SLC4A4: variants seen among roughly 807,000 people sequenced by gnomAD.
The protein encoded by SLC4A4 is solute carrier family 4 member 4, also known as electrogenic sodium bicarbonate cotransporter 1.
In SLC4A4, 27 loss-of-function variants were observed where a neutral mutation model predicts 111.5. That is an observed-to-expected ratio of 0.24 (90% CI 0.18 to 0.33). The LOEUF is 0.33. SLC4A4 is among the 10% of genes least tolerant of loss of function. The probability of loss-of-function intolerance (pLI) is 1.00; values close to 1 mark genes in which losing one functional copy is unlikely to be tolerated. For missense variants in SLC4A4, 909 were observed against 1,315.5 expected (o/e 0.69, Z 4.78); for synonymous variants, 443 against 463.4 (o/e 0.96, Z 0.57).
intron 3 of SLC4A4, among the ~76,000 whole-genome samples, chr4:71,264,590 A>G (rs1722100250): frequency 6.6e-6 from 1 of 152,120 alleles, no homozygotes; most frequent in African/African-American, 2.4e-5. Flanking sequence ...TTACCAAGGT[A>G]TGGAAATAGC....
intron 22 of SLC4A4, among the ~76,000 whole-genome samples, chr4:71,558,238 C>T (rs1414642781): frequency 1.3e-5 from 2 of 151,892 alleles, no homozygotes; most frequent in Non-Finnish European, 2.9e-5. Context: ...GACACCAGTG[C>T]ATGTTAATTA....
In SLC4A4 at chr4:71,501,943, G is replaced by A. The variant is rs28872314; in HGVS notation, c.2166+4251G>A. Among the ~76,000 whole-genome samples the A allele has an allele frequency of 6.8e-3, 1,035 of 151,818 alleles. 13 individuals are homozygous for A. Among genetic ancestry groups the A allele is most frequent in the African/African-American group, 0.023 (968 of 41,374 alleles). On this transcript the variant is annotated intron_variant, in intron 16 of 25. Transcript: ENST00000264485. ...CTCTCAAAGTGCTGGGATTACAGGC[G>A]TGAACCACCATGCCTGGCCTATTTT...
intron 22 of SLC4A4, among the ~76,000 whole-genome samples, chr4:71,559,256 G>A (rs1444058816): frequency 6.6e-6 from 1 of 151,820 alleles, no homozygotes; most frequent in Non-Finnish European, 1.5e-5. Flanking sequence ...TTTTAATATA[G>A]AATAAAGATA....
chr4:71,517,253 C>CTT (rs1424991600), intron 16 of SLC4A4, among the ~76,000 whole-genome samples: 4 of 152,006 alleles, frequency 2.6e-5, no homozygotes, highest in African/African-American at 9.7e-5. Context: ...GATCCTGTCA[C>CTT]ATAAATCTTA....
chr4:71,519,340 C>A (rs1200597593), intron 16 of SLC4A4, among the ~76,000 whole-genome samples: 1 of 152,168 alleles, frequency 6.6e-6, no homozygotes, highest in East Asian at 1.9e-4. Context: ...AGAGCCTAAG[C>A]AGGTAATTTC....
chr4:71,469,238 A>G (rs1242513216), intron 13 of SLC4A4, among the ~76,000 whole-genome samples: 1 of 151,984 alleles, frequency 6.6e-6, no homozygotes, highest in Non-Finnish European at 1.5e-5. Context: ...GGTATATAAA[A>G]ACTTCACAAT....
At chr4:71,124,222 G>C (rs1052714170) in intron 2 of SLC4A4, among the ~76,000 whole-genome samples, 2 of 145,450 alleles carry the variant, frequency 1.4e-5, no homozygotes, top group African/African-American at 5.1e-5. Flanking sequence ...CGCCAGGCTA[G>C]AGTGCAGTGG....
intron 16 of SLC4A4, among the ~76,000 whole-genome samples, chr4:71,507,893 C>T (rs932721296): frequency 9.2e-5 from 14 of 152,146 alleles, no homozygotes; most frequent in African/African-American, 2.9e-4. Context: ...AACAGTCCCT[C>T]GGACCACAGT....
chr4:71,174,456 C>G (rs1745028823), intron 2 of SLC4A4, among the ~76,000 whole-genome samples: 1 of 152,060 alleles, frequency 6.6e-6, no homozygotes, highest in Non-Finnish European at 1.5e-5. Context: ...GGATGTTGGC[C>G]AGGCTGGTCT....
At chr4:71,128,595 C>T (rs997150138) in intron 2 of SLC4A4, among the ~76,000 whole-genome samples, 4 of 152,062 alleles carry the variant, frequency 2.6e-5, no homozygotes, top group Non-Finnish European at 5.9e-5. Flanking sequence ...TTCAAATGAT[C>T]CTCCCACCTC....
intron 1 of SLC4A4, among the ~76,000 whole-genome samples, chr4:71,210,314 CATTA>C (rs573742138): frequency 4.6e-5 from 7 of 152,178 alleles, no homozygotes; most frequent in Non-Finnish European, 1.0e-4. Context: ...GTTTAATAGC[CATTA>C]TCTAATTTAA....
At chr4:71,152,630 T>C (rs1191415306) in intron 2 of SLC4A4, among the ~76,000 whole-genome samples, 3 of 152,198 alleles carry the variant, frequency 2.0e-5, no homozygotes, top group Non-Finnish European at 4.4e-5. Flanking sequence ...TGAGGTACTA[T>C]GGACACACTA....
chr4:71,301,217 G>A, intron 3 of SLC4A4: 1 of 244,094 alleles, frequency 4.1e-6, no homozygotes, highest in Admixed American at 5.0e-5. Context: ...GGTGGCTGGT[G>A]TAGTTAGCAA....
chr4:71,353,259 T>C (rs1447906347), intron 5 of SLC4A4, among the ~76,000 whole-genome samples: 1 of 152,248 alleles, frequency 6.6e-6, no homozygotes, highest in Non-Finnish European at 1.5e-5. Context: ...TTGACACTAC[T>C]ATGTCACTTT....
intron 19 of SLC4A4, among the ~76,000 whole-genome samples, chr4:71,547,444 A>G (rs545294644): frequency 6.6e-6 from 1 of 152,176 alleles, no homozygotes; most frequent in Admixed American, 6.5e-5. Context: ...TTCAAATCAC[A>G]TATTGCAGTC....
At chr4:71,146,327 T>C (rs6811627) in intron 2 of SLC4A4, among the ~76,000 whole-genome samples, 19,215 of 152,064 alleles carry the variant, frequency 0.13, 1,336 homozygotes, top group East Asian at 0.28. Flanking sequence ...TTGTTATAAT[T>C]TCTGTTCTTT....
intron 4 of SLC4A4, among the ~76,000 whole-genome samples, chr4:71,341,582 A>C (rs971324896): frequency 6.6e-6 from 1 of 152,172 alleles, no homozygotes; most frequent in African/African-American, 2.4e-5. Flanking sequence ...TCTGAGGCAT[A>C]CTTTAAAATT....
chr4:71,265,473 G>A (rs151293928), intron 3 of SLC4A4, among the ~76,000 whole-genome samples: 180 of 152,248 alleles, frequency 1.2e-3, no homozygotes, highest in Middle Eastern at 3.4e-3. Flanking sequence ...TAAAAGGAGA[G>A]AGAGGAGATG....
chr4:71,162,184 T>C (rs1057267205), intron 2 of SLC4A4, among the ~76,000 whole-genome samples: 2 of 152,174 alleles, frequency 1.3e-5, no homozygotes, highest in African/African-American at 4.8e-5. Context: ...TTTGGTGCTG[T>C]AAATTGTGTC....
Sources: allele counts gnomAD v4.1 joint callset (sites outside exome capture counted in the v4.1 genomes callset), GRCh38; gene constraint gnomAD v4.1.1; transcripts MANE v1.5; gene names NCBI Gene and HGNC (gene_info 2026-07-23, HGNC 2026-07-21).